GFOD1: variants seen among roughly 807,000 people sequenced by gnomAD.
GFOD1 encodes Gfo/Idh/MocA-like oxidoreductase domain containing 1.
A neutral mutation model predicts 25.4 loss-of-function variants in GFOD1; 9 were observed. The observed-to-expected ratio is 0.35, with a 90% confidence interval of 0.21 to 0.62. The LOEUF (loss-of-function observed/expected upper bound fraction) is 0.62, where lower values mean the gene tolerates loss of function less well. Ranked by LOEUF, GFOD1 falls within the 20% of genes least tolerant of loss-of-function variation. The pLI is 0.72. For synonymous variants in GFOD1, 253 were observed against 245.6 expected (o/e 1.03, Z -0.28); for missense variants, 403 against 556.9 (o/e 0.72, Z 2.78).
At chr6:13,410,063 A>T (rs1786047208) in intron 1 of GFOD1, among the ~76,000 whole-genome samples, 1 of 144,020 alleles carries the variant, frequency 6.9e-6, no homozygotes. Flanking sequence ...AACTGAGGTA[A>T]ACATCATCAG....
Position 13,363,237 on chromosome 6 carries a change from G to A in GFOD1, c.*1506C>T, listed in dbSNP as rs1784973883. 6.6e-6 allele frequency: 1 copy of A among 151,750 alleles called. No individual in the cohort carries two copies. Among genetic ancestry groups the A allele is most frequent in the African/African-American group, 2.4e-5 (1 of 41,222 alleles). The allele number at this position is 151,750 out of a possible 1,614,324, so 9.4% of individuals were successfully genotyped here. On this transcript the variant is annotated 3_prime_UTR_variant, in exon 2 of 2. Transcript: ENST00000379287. Reference sequence around the variant, plus strand: ...TGTGTGTGTGTGTGTGTGTGTGTGTGTGCACGTGCATGTGTGTGTGTGTCT... The same window carrying A: ...TGTGTGTGTGTGTGTGTGTGTGTGTATGCACGTGCATGTGTGTGTGTGTCT...
chr6:13,440,590 T>C (rs933682946), intron 1 of GFOD1, among the ~76,000 whole-genome samples: 1 of 152,208 alleles, frequency 6.6e-6, no homozygotes, highest in Non-Finnish European at 1.5e-5. Context: ...GCAGCACTCC[T>C]CATCGCTAGA....
chr6:13,476,757 A>G (rs1758631932), intron 1 of GFOD1, among the ~76,000 whole-genome samples: 1 of 152,214 alleles, frequency 6.6e-6, no homozygotes, highest in South Asian at 2.1e-4. Flanking sequence ...AAATTTTTTT[A>G]AATCATAACA....
At chr6:13,413,341 C>T (rs760433979) in intron 1 of GFOD1, among the ~76,000 whole-genome samples, 16 of 152,224 alleles carry the variant, frequency 1.1e-4, no homozygotes, top group Non-Finnish European at 2.4e-4. Flanking sequence ...CTGTCATTGG[C>T]CTCCAGTTTT....
chr6:13,377,677 G>T (rs567497780), intron 1 of GFOD1, among the ~76,000 whole-genome samples: 1 of 152,252 alleles, frequency 6.6e-6, no homozygotes, highest in East Asian at 1.9e-4. Flanking sequence ...ACTAATCACA[G>T]AAGTAACACC....
intron 1 of GFOD1, among the ~76,000 whole-genome samples, chr6:13,407,409 G>A (rs73725810): frequency 0.048 from 7,321 of 152,138 alleles, 445 homozygotes; most frequent in African/African-American, 0.15. Context: ...ACCAGCTCCC[G>A]GGCCTCAAAG....
chr6:13,414,107 C>A (rs1163467512), intron 1 of GFOD1, among the ~76,000 whole-genome samples: 1 of 152,218 alleles, frequency 6.6e-6, no homozygotes, highest in Non-Finnish European at 1.5e-5. Flanking sequence ...TAGTAGGCTG[C>A]CTCTTCAGCA....
In GFOD1 at chr6:13,464,881, TG is replaced by T. The variant is rs1562227199; in HGVS notation, c.253+21756del. Among the ~76,000 whole-genome samples, 168 of 149,638 alleles carry T rather than the reference TG, an allele frequency of 1.1e-3. 1 individual carries two copies. The highest frequency in any genetic ancestry group is 3.8e-3 in the African/African-American group (153 of 39,862). The stretch of plus-strand genomic sequence containing the variant: ...CTTTCCGTGTGTGTGTGTGTGTGTG[TG>T]TGTGTGTGTGTGTGTGTGTGTGTGT... On this transcript the variant is annotated intron_variant, in intron 1 of 1. Coordinates refer to ENST00000379287, the MANE Select transcript of GFOD1 (RefSeq NM_018988.4).
chr6:13,390,796 G>GAAGGAAGGAAGA lies in GFOD1; in HGVS notation c.254-25135_254-25134insTCTTCCTTCCTT, dbSNP rs1554200656. The stretch of plus-strand genomic sequence containing the variant: ...GAGAGAGAGAAAGGAAGGAAGGAAG[G>GAAGGAAGGAAGA]AAGGAAGGAAGGAAGGAAGGAAGGA... On this transcript the variant is annotated intron_variant, in intron 1 of 1. Coordinates refer to ENST00000379287, the MANE Select transcript of GFOD1 (RefSeq NM_018988.4). Among the ~76,000 whole-genome samples, 1,126 of 149,762 alleles carry GAAGGAAGGAAGA rather than the reference G, an allele frequency of 7.5e-3. 12 individuals carry two copies. Among genetic ancestry groups the GAAGGAAGGAAGA allele is most frequent in the Non-Finnish European group, 1.0e-2 (670 of 67,256 alleles).
chr6:13,405,024 C>T (rs1474896710), intron 1 of GFOD1, among the ~76,000 whole-genome samples: 1 of 152,220 alleles, frequency 6.6e-6, no homozygotes, highest in Non-Finnish European at 1.5e-5. Context: ...TCTCACCTTA[C>T]ATCAGTACCT....
At chr6:13,451,333 G>A (rs1758094470) in intron 1 of GFOD1, among the ~76,000 whole-genome samples, 1 of 152,200 alleles carries the variant, frequency 6.6e-6, no homozygotes, top group East Asian at 1.9e-4. Flanking sequence ...ACAGGCCTGA[G>A]AGGAGGGAAA....
At chr6:13,460,891 C>G (rs1486441693) in intron 1 of GFOD1, among the ~76,000 whole-genome samples, 1 of 151,972 alleles carries the variant, frequency 6.6e-6, no homozygotes, top group Non-Finnish European at 1.5e-5. Flanking sequence ...TCTCTTCTGC[C>G]CTTCCACCAT....
chr6:13,371,844 C>T (rs1445355956), intron 1 of GFOD1, among the ~76,000 whole-genome samples: 3 of 152,116 alleles, frequency 2.0e-5, no homozygotes, highest in Non-Finnish European at 4.4e-5. Context: ...CAGCTCGCCC[C>T]CCTGAGGGCT....
chr6:13,471,388 C>T (rs1228941002), intron 1 of GFOD1, among the ~76,000 whole-genome samples: 1 of 152,126 alleles, frequency 6.6e-6, no homozygotes, highest in Non-Finnish European at 1.5e-5. Context: ...TGAGCAAAGG[C>T]AGAATTCCTG....
chr6:13,478,600 G>A (rs1250944010), intron 1 of GFOD1, among the ~76,000 whole-genome samples: 1 of 152,232 alleles, frequency 6.6e-6, no homozygotes, highest in African/African-American at 2.4e-5. Flanking sequence ...CACACCGTGG[G>A]TAACCACAGG....
chr6:13,457,009 C>A (rs191322201), intron 1 of GFOD1, among the ~76,000 whole-genome samples: 1 of 152,300 alleles, frequency 6.6e-6, no homozygotes, highest in African/African-American at 2.4e-5. Context: ...TTCAGTGGCC[C>A]ACCTGGGAAA....
chr6:13,474,153 G>T (rs779943418), intron 1 of GFOD1, among the ~76,000 whole-genome samples: 60 of 152,288 alleles, frequency 3.9e-4, no homozygotes, highest in Non-Finnish European at 7.4e-4. Flanking sequence ...GCCAAGGCGG[G>T]TGGATCGCCT....
chr6:13,360,570 C>T lies in GFOD1; in HGVS notation c.*4173G>A. ...CCAACAAGATTTTGAAAATCCCCAGCCCTGAGGCTTGCTGCATCACCTACA... is the reference window on the plus strand; with the variant it reads ...CCAACAAGATTTTGAAAATCCCCAGTCCTGAGGCTTGCTGCATCACCTACA... On this transcript the variant is annotated 3_prime_UTR_variant, in exon 2 of 2. Coordinates refer to ENST00000379287, the MANE Select transcript of GFOD1 (RefSeq NM_018988.4). 1 of 397,648 alleles carries T rather than the reference C, an allele frequency of 2.5e-6. No homozygotes were observed. The highest frequency in any genetic ancestry group is 5.1e-6 in the Non-Finnish European group (1 of 194,180). 24.6% of individuals were successfully genotyped at this position (397,648 alleles called of 1,614,324 possible).
Position 13,472,289 on chromosome 6 carries a change from T to A in GFOD1, c.253+14349A>T, listed in dbSNP as rs140049505. 8.2e-3 allele frequency among the ~76,000 whole-genome samples: 1,251 copies of A among 152,314 alleles called. 18 individuals carry two copies. The highest frequency in any genetic ancestry group is 0.028 in the African/African-American group (1,163 of 41,558). On this transcript the variant is annotated intron_variant, in intron 1 of 1. Transcript: ENST00000379287. ...GCATTTTTCATTTTATTTAGTTTTA[T>A]GTAAATTTAAGCAGCCACATGTGGC... is the stretch of plus-strand genomic sequence containing the variant.
Sources: gnomAD v4.1 joint callset for allele counts (sites outside exome capture counted in the v4.1 genomes callset) on GRCh38, gnomAD v4.1.1 for gene constraint, MANE v1.5 for transcripts, NCBI Gene and HGNC (gene_info 2026-07-23, HGNC 2026-07-21) for gene names.